ADAMTS16: variants seen among roughly 807,000 people sequenced by gnomAD.
The protein encoded by ADAMTS16 is A disintegrin and metalloproteinase with thrombospondin motifs 16.
Under a neutral mutation model 145.8 loss-of-function variants are expected in ADAMTS16, and 94 were observed. The observed-to-expected ratio is 0.64, with a 90% CI of 0.55 to 0.77. The LOEUF is 0.77. Ranked by LOEUF, ADAMTS16 falls within the 30% of genes least tolerant of loss-of-function variation. The pLI is 0.00. For synonymous variants in ADAMTS16, 659 were observed against 604.3 expected (o/e 1.09, Z -1.33); for missense variants, 1,585 against 1,591.5 (o/e 1.00, Z 0.07).
intron 10 of ADAMTS16, among the ~76,000 whole-genome samples, chr5:5,213,033 G>A (rs184667236): frequency 1.1e-4 from 17 of 152,124 alleles, no homozygotes; most frequent in Admixed American, 1.3e-4. Context: ...TGCCCACTTC[G>A]TGCAAAATGC....
chr5:5,262,929 T>C, intron 18 of ADAMTS16, 146 bp downstream of exon 18: 1 of 1,191,076 alleles, frequency 8.4e-7, no homozygotes, highest in African/African-American at 1.5e-5. Context: ...AAGAGCTGCC[T>C]GGACAAGGGA....
chr5:5,177,609 A>G (rs1384615838), intron 3 of ADAMTS16, among the ~76,000 whole-genome samples: 1 of 151,918 alleles, frequency 6.6e-6, no homozygotes, highest in African/African-American at 2.4e-5. Flanking sequence ...GTAGATTCAT[A>G]TTTGGCTCTG....
At chr5:5,293,074 A>G (rs1739395753) in intron 18 of ADAMTS16, among the ~76,000 whole-genome samples, 1 of 152,212 alleles carries the variant, frequency 6.6e-6, no homozygotes, top group African/African-American at 2.4e-5. Flanking sequence ...GAGGACACAG[A>G]GATGGAGGGC....
At chr5:5,245,127 A>G (rs902654365) in intron 17 of ADAMTS16, among the ~76,000 whole-genome samples, 1 of 152,188 alleles carries the variant, frequency 6.6e-6, no homozygotes, top group Admixed American at 6.5e-5. Flanking sequence ...ATTTGATGCT[A>G]TCCGATGACA....
chr5:5,303,353 C>T lies in ADAMTS16; in HGVS notation c.2875C>T (p.His959Tyr). The T allele has an allele frequency of 1.2e-6, 2 of 1,601,898 alleles. No individual in the cohort carries two copies. Among genetic ancestry groups the T allele is most frequent in the African/African-American group, 2.7e-5 (2 of 74,946 alleles). Residue 959 changes from histidine (H) to tyrosine (Y), a missense_variant, in exon 19 of 23, where the codon CAC becomes TAC. By Grantham distance (83) the His-to-Tyr change is moderately conservative (BLOSUM62 2). Around this residue, in one of 3 missense-constraint regions of ADAMTS16, gnomAD observed 834 missense variants for 811.7 expected, o/e 1.03. Coordinates refer to ENST00000274181, the MANE Select transcript of ADAMTS16 (RefSeq NM_139056.4). ...CCCCGTGCAGTGCACACGGCGGGTG[C>T]ACTATGACTCGGAGCCAGTCCCGGC... The part of the protein sequence containing the change: ...SRPVQCTRRV[H>Y]YDSEPVPASL...
chr5:5,259,280 C>T lies in ADAMTS16; in HGVS notation c.2663-3377C>T, dbSNP rs533841685. Among the ~76,000 whole-genome samples the T allele has an allele frequency of 5.9e-5, 9 of 152,336 alleles. 1 individual carries two copies. In the South Asian group the frequency reaches 1.9e-3, roughly 32 times the overall value. ...TGCAACTGAGCCTTGTCCAGCATCA[C>T]TGATGGGGCAGGATCCTGTGACCAC... On this transcript the variant is annotated intron_variant, in intron 17 of 22. Coordinates refer to ENST00000274181, the MANE Select transcript of ADAMTS16 (RefSeq NM_139056.4).
At position 5,140,454 on chromosome 5, in the gene ADAMTS16, C is replaced by A. The variant is rs970519973; in HGVS notation, c.-14C>A. 4 of 1,504,648 alleles carry A rather than the reference C, an allele frequency of 2.7e-6. No homozygotes were observed. Among genetic ancestry groups the A allele is most frequent in the African/African-American group, 2.9e-5 (2 of 69,000 alleles). 93.2% of individuals were successfully genotyped at this position (1,504,648 alleles called of 1,614,324 possible). On this transcript the variant is annotated 5_prime_UTR_variant, in exon 1 of 23. Coordinates refer to ENST00000274181, the MANE Select transcript of ADAMTS16 (RefSeq NM_139056.4). ...GACCCTCCGGTGGCCCCTAGCCCCT[C>A]GGAGCGCTCCTGGATGAAGCCCCGC...
At chr5:5,221,311 G>T (rs994959238) in intron 10 of ADAMTS16, among the ~76,000 whole-genome samples, 1 of 151,994 alleles carries the variant, frequency 6.6e-6, no homozygotes, top group Non-Finnish European at 1.5e-5. Flanking sequence ...ACACCATATA[G>T]TAATGAACGT....
chr5:5,213,204 T>A (rs1579315082), intron 10 of ADAMTS16, among the ~76,000 whole-genome samples: 1 of 152,242 alleles, frequency 6.6e-6, no homozygotes, highest in Non-Finnish European at 1.5e-5. Context: ...CCATCTTTTA[T>A]ATTTATTGTT....
chr5:5,307,940 G>A (rs543472274), intron 21 of ADAMTS16, among the ~76,000 whole-genome samples: 1 of 152,324 alleles, frequency 6.6e-6, no homozygotes, highest in South Asian at 2.1e-4. Flanking sequence ...TCCTGGGCGA[G>A]GGCAGCAGAA....
In ADAMTS16 at chr5:5,182,060, C is replaced by T. The variant is rs760503389; in HGVS notation, c.518C>T (p.Thr173Ile). The T allele has an allele frequency of 6.2e-7, 1 of 1,609,890 alleles. No homozygotes were observed. The highest frequency in any genetic ancestry group is 1.1e-5 in the South Asian group (1 of 90,548). ...TCQGLSGMIR[T>I]EEADYFLRPL... Reference sequence around the variant, plus strand: ...TTTTTCCAGTCAGGCATGATACGAACAGAAGAGGCAGATTACTTCCTAAGG... The same window carrying T: ...TTTTTCCAGTCAGGCATGATACGAATAGAAGAGGCAGATTACTTCCTAAGG... The change falls in exon 4 of 23, where the codon ACA becomes ATA. Residue 173 changes from threonine (T) to isoleucine (I), a missense_variant. Around this residue, in one of 3 missense-constraint regions of ADAMTS16, gnomAD observed 453 missense variants for 412.1 expected, o/e 1.10. Coordinates refer to ENST00000274181, the MANE Select transcript of ADAMTS16 (RefSeq NM_139056.4).
intron 21 of ADAMTS16, 77 bp from the exon 22 acceptor site, chr5:5,318,057 G>A: frequency 7.8e-7 from 1 of 1,274,616 alleles, no homozygotes; most frequent in Non-Finnish European, 1.0e-6. Flanking sequence ...AGGCCTTTTA[G>A]AAAGGTGGGC....
chr5:5,286,599 C>T (rs1045877699), intron 18 of ADAMTS16, among the ~76,000 whole-genome samples: 6 of 152,056 alleles, frequency 3.9e-5, no homozygotes, highest in African/African-American at 7.2e-5. Flanking sequence ...TGGCTCACGC[C>T]TGTAATCCCA....
chr5:5,204,949 G>C (rs1158397), intron 9 of ADAMTS16, among the ~76,000 whole-genome samples: 1 of 151,934 alleles, frequency 6.6e-6, no homozygotes, highest in Admixed American at 6.5e-5. Context: ...TTTCATTTTA[G>C]GTATCTGGTG....
At chr5:5,271,817 G>T (rs1293768189) in intron 18 of ADAMTS16, among the ~76,000 whole-genome samples, 1 of 152,126 alleles carries the variant, frequency 6.6e-6, no homozygotes, top group Non-Finnish European at 1.5e-5. Flanking sequence ...GTGATCAAAT[G>T]CTTTGTTTTC....
chr5:5,213,223 A>G (rs968140400), intron 10 of ADAMTS16, among the ~76,000 whole-genome samples: 2 of 152,166 alleles, frequency 1.3e-5, no homozygotes, highest in Admixed American at 6.5e-5. Flanking sequence ...TTTAGTATCT[A>G]TGTTTTCCTA....
chr5:5,316,510 C>A (rs1365646147), intron 21 of ADAMTS16, among the ~76,000 whole-genome samples: 1 of 152,164 alleles, frequency 6.6e-6, no homozygotes, highest in African/African-American at 2.4e-5. Context: ...GTCTCTGTAT[C>A]TTTAGCTGCC....
intron 18 of ADAMTS16, among the ~76,000 whole-genome samples, chr5:5,277,267 C>G (rs1288627829): frequency 6.6e-6 from 1 of 152,190 alleles, no homozygotes; most frequent in Non-Finnish European, 1.5e-5. Context: ...TTCACCAAGA[C>G]AGCTTTTATC....
chr5:5,192,875 G>T (rs1204002226), intron 8 of ADAMTS16, among the ~76,000 whole-genome samples: 1 of 152,214 alleles, frequency 6.6e-6, no homozygotes. Flanking sequence ...TGCCCAAGCA[G>T]CTGGGGACTT....
Sources: allele counts gnomAD v4.1 joint callset (sites outside exome capture counted in the v4.1 genomes callset), GRCh38; gene constraint gnomAD v4.1.1; regional missense constraint gnomAD v4.1.1; transcripts MANE v1.5; gene names NCBI Gene and HGNC (gene_info 2026-07-23, HGNC 2026-07-21).